BLM: variants seen among roughly 807,000 people sequenced by gnomAD.
BLM encodes the protein BLM RecQ like helicase.
BLM carries 95 observed loss-of-function variants against 135.3 expected under a neutral mutation model. The observed-to-expected ratio is 0.70, with a 90% confidence interval of 0.59 to 0.83. BLM has a LOEUF of 0.83. Ranked by LOEUF, BLM falls within the 40% of genes least tolerant of loss-of-function variation. The pLI is 0.00. For missense variants in BLM, 1,518 were observed against 1,663.9 expected, an observed-to-expected ratio of 0.91 and a Z score of 1.53; for synonymous variants, 520 against 589.2, an observed-to-expected ratio of 0.88 and a Z score of 1.70.
chr15:90,806,084 A>C (rs1179685521), intron 19 of BLM, among the ~76,000 whole-genome samples: 2 of 152,162 alleles, frequency 1.3e-5, no homozygotes, highest in Non-Finnish European at 2.9e-5. Context: ...TCAGTAAAAA[A>C]AATTCTTTCA....
chr15:90,798,101 G>T, intron 16 of BLM, 89 bp from the exon 17 acceptor site: 1 of 1,201,858 alleles, frequency 8.3e-7, no homozygotes, highest in East Asian at 2.4e-5. Context: ...AATGGGTTAT[G>T]ATGAATCTAC....
chr15:90,804,222 T>C lies in BLM; in HGVS notation c.3614T>C (p.Val1205Ala). ...AGTGTGAAAAAACAAAAAGCGTTAGTAGCAAAAGTGTCTCAGAGGGAAGAG... is the reference window on the plus strand; with the variant it reads ...AGTGTGAAAAAACAAAAAGCGTTAGCAGCAAAAGTGTCTCAGAGGGAAGAG... ...SSSVKKQKAL[V>A]AKVSQREEMV... is the part of the protein sequence containing the mutation. Residue 1205 changes from valine to alanine, a missense_variant, in exon 19 of 22, where the codon GTA becomes GCA. This residue lies in a region of BLM where 626 missense variants were observed against 681.1 expected (regional missense o/e 0.92). Coordinates refer to ENST00000355112, the MANE Select transcript of BLM (RefSeq NM_000057.4). 2 of 1,614,148 alleles carry C rather than the reference T, an allele frequency of 1.2e-6. No individual in the cohort carries two copies. Among genetic ancestry groups the C allele is most frequent in the Non-Finnish European group, 1.7e-6 (2 of 1,179,984 alleles).
intron 5 of BLM, 75 bp from the exon 6 acceptor site, chr15:90,760,072 T>G: frequency 1.4e-6 from 2 of 1,430,350 alleles, no homozygotes; most frequent in Non-Finnish European, 1.9e-6. Context: ...ATTACAGTCA[T>G]GAGCCACCAT....
intron 16 of BLM, 80 bp from the exon 17 acceptor site, chr15:90,798,110 A>G (rs1237931531): frequency 1.6e-6 from 2 of 1,290,296 alleles, no homozygotes; most frequent in South Asian, 2.6e-5. Flanking sequence ...TGATGAATCT[A>G]CTATAGTTAA....
chr15:90,778,697 G>A (rs937101087), intron 12 of BLM, among the ~76,000 whole-genome samples: 7 of 152,170 alleles, frequency 4.6e-5, no homozygotes, highest in African/African-American at 1.7e-4. Context: ...ATATTCCATT[G>A]TAGACGTCTA....
intron 13 of BLM, among the ~76,000 whole-genome samples, chr15:90,783,888 C>G (rs1401060448): frequency 6.6e-6 from 1 of 151,224 alleles, no homozygotes; most frequent in Non-Finnish European, 1.5e-5. Flanking sequence ...AAGACTGTCT[C>G]AAAAAACAAA....
At chr15:90,814,261 C>T (rs1245791905) in intron 21 of BLM, among the ~76,000 whole-genome samples, 1 of 152,188 alleles carries the variant, frequency 6.6e-6, no homozygotes, top group Admixed American at 6.5e-5. Context: ...CTGACATCAG[C>T]CGGTTACAGA....
intron 19 of BLM, 112 bp from the exon 20 acceptor site, chr15:90,809,025 C>G: frequency 6.8e-7 from 1 of 1,475,074 alleles, no homozygotes; most frequent in Non-Finnish European, 9.5e-7. Context: ...TTCCCAGTAC[C>G]CTGCAGTTAG....
intron 17 of BLM, among the ~76,000 whole-genome samples, chr15:90,800,785 A>AT (rs1897147236): frequency 6.6e-6 from 1 of 152,122 alleles, no homozygotes; most frequent in African/African-American, 2.4e-5. Flanking sequence ...CTCAACCAAA[A>AT]AAAAGGAGAG....
At chr15:90,729,791 A>C (rs1246190550) in intron 1 of BLM, among the ~76,000 whole-genome samples, 1 of 152,218 alleles carries the variant, frequency 6.6e-6, no homozygotes, top group African/African-American at 2.4e-5. Flanking sequence ...AGATGGGGAT[A>C]GTGGTGGTGG....
chr15:90,718,727 T>C (rs928358604), intron 1 of BLM, among the ~76,000 whole-genome samples: 1 of 152,176 alleles, frequency 6.6e-6, no homozygotes, highest in African/African-American at 2.4e-5. Flanking sequence ...TTTACAGTCC[T>C]ATCAGTAACC....
At chr15:90,787,503 A>G (rs1746669889) in intron 14 of BLM, among the ~76,000 whole-genome samples, 1 of 152,240 alleles carries the variant, frequency 6.6e-6, no homozygotes, top group Admixed American at 6.5e-5. Context: ...GATTCAGAGG[A>G]AAAATATCTC....
chr15:90,804,096 TTAAA>T, intron 18 of BLM, 67 bp from the exon 19 acceptor site: 1 of 1,427,200 alleles, frequency 7.0e-7, no homozygotes, highest in Non-Finnish European at 9.7e-7. Flanking sequence ...CAATTAAGCA[TTAAA>T]TAAAGCCCCT....
chr15:90,724,426 A>C (rs555938165), intron 1 of BLM, among the ~76,000 whole-genome samples: 70 of 152,252 alleles, frequency 4.6e-4, no homozygotes, highest in Non-Finnish European at 7.9e-4. Flanking sequence ...TTCTGTCACC[A>C]AATGTGTGGT....
chr15:90,784,671 T>C lies in BLM; in HGVS notation c.2663-250T>C, dbSNP rs28385063. Among the ~76,000 whole-genome samples, 363 of 151,664 alleles carry C rather than the reference T, an allele frequency of 2.4e-3. 11 individuals carry two copies. Among genetic ancestry groups the C allele is most frequent in the Admixed American group, 0.021 (322 of 15,140 alleles). ...TTTTTATACCCACATGTATCTAGTG[T>C]GAAGTAGAGCCCAGAGTTCATCCAG... On this transcript the variant is annotated intron_variant, in intron 13 of 21. Transcript: ENST00000355112.
intron 1 of BLM, among the ~76,000 whole-genome samples, chr15:90,725,543 G>C (rs1894887588): frequency 6.6e-6 from 1 of 150,378 alleles, no homozygotes; most frequent in South Asian, 2.1e-4. Flanking sequence ...GCCCAGGCTG[G>C]AGTGCAGTGG....
At chr15:90,743,610 G>A (rs1207612872) in intron 1 of BLM, among the ~76,000 whole-genome samples, 7 of 151,946 alleles carry the variant, frequency 4.6e-5, no homozygotes, top group Admixed American at 3.3e-4. Context: ...TGTGATCATA[G>A]TGCACTACAG....
intron 17 of BLM, among the ~76,000 whole-genome samples, chr15:90,801,926 C>T (rs7162199): frequency 0.15 from 23,315 of 152,012 alleles, 1,883 homozygotes; most frequent in Non-Finnish European, 0.19. Context: ...CATGGTAGCA[C>T]GCACCTGTAG....
intron 21 of BLM, among the ~76,000 whole-genome samples, chr15:90,813,404 T>C (rs1174866588): frequency 6.6e-6 from 1 of 152,176 alleles, no homozygotes; most frequent in African/African-American, 2.4e-5. Context: ...TTGTTGTTGT[T>C]GTTGTCGTTA....
Sources: gnomAD v4.1 joint callset for allele counts (sites outside exome capture counted in the v4.1 genomes callset) on GRCh38, gnomAD v4.1.1 for gene constraint, gnomAD v4.1.1 regional missense constraint, MANE v1.5 for transcripts, NCBI Gene and HGNC (gene_info 2026-07-23, HGNC 2026-07-21) for gene names.